PHACTR2: variants seen among roughly 807,000 people sequenced by gnomAD.
PHACTR2 encodes the protein chromosome 6 open reading frame 56.
A neutral mutation model predicts 76.0 loss-of-function variants in PHACTR2; 30 were observed. The ratio of observed to expected loss-of-function variants is 0.39; its 90% confidence interval spans 0.30 to 0.54. PHACTR2 has a LOEUF of 0.54. Among genes scored for constraint, PHACTR2 ranks in the 20% least tolerant of loss-of-function variants. The pLI, the probability that PHACTR2 is intolerant of heterozygous loss-of-function variation, is 0.61. For missense variants in PHACTR2, 696 were observed against 781.1 expected, an observed-to-expected ratio of 0.89 and a Z score of 1.30; for synonymous variants, 292 against 292.5, an observed-to-expected ratio of 1.00 and a Z score of 0.02.
At chr6:143,606,898 T>C (rs1338126708), upstream of PHACTR2, among the ~76,000 whole-genome samples, 1 of 152,210 alleles carries the variant, frequency 6.6e-6, no homozygotes, top group African/African-American at 2.4e-5. Context: ...ACTGAGAAAT[T>C]CAGCTTTTAT....
At chr6:143,804,235 C>G (rs1776018947) in intron 11 of PHACTR2, among the ~76,000 whole-genome samples, 1 of 152,212 alleles carries the variant, frequency 6.6e-6, no homozygotes, top group Admixed American at 6.5e-5. Context: ...GTGCCTTTTG[C>G]TCCTTGGCCT....
rs1328164367 is a variant in PHACTR2, at chr6:143,627,768, A to AT, written c.13+19452dup. Among the ~76,000 whole-genome samples, 10 of 152,018 alleles carry AT rather than the reference A, an allele frequency of 6.6e-5. No homozygotes were observed. Among genetic ancestry groups the AT allele is most frequent in the East Asian group, 1.9e-4 (1 of 5,168 alleles). Reference sequence around the variant, plus strand: ...AGGCTCGTACCGCCACGCCCAGCTAATTTTTTGTATTTTTAGTAGAGATGG... The same window carrying AT: ...AGGCTCGTACCGCCACGCCCAGCTAATTTTTTTGTATTTTTAGTAGAGATGG... On this transcript the variant is annotated intron_variant, in intron 1 of 11. Coordinates refer to the PHACTR2 transcript ENST00000305766. The surrounding 1 kb of genome is among the most constrained non-coding windows in gnomAD (Gnocchi z 4.3).
rs1207370868 is a variant in PHACTR2, at chr6:143,819,060, C to A, written c.1923-4614C>A. Among the ~76,000 whole-genome samples, 1 of 152,064 alleles carries A rather than the reference C, an allele frequency of 6.6e-6. No individual in the cohort carries two copies. Among genetic ancestry groups the A allele is most frequent in the Non-Finnish European group, 1.5e-5 (1 of 68,012 alleles). ...ATTTACTTGTAATTAAGTTTAGGGG[C>A]TTCTGATTGGACTCCTCAGTCATAT... On this transcript the variant is annotated intron_variant, in intron 12 of 12. Coordinates refer to ENST00000440869, the MANE Select transcript of PHACTR2 (RefSeq NM_001100164.2). This position sits in a 1 kb window ranked among gnomAD's most constrained non-coding sequence, Gnocchi z 5.0.
chr6:143,612,623 ACG>A (rs1263694764), intron 1 of PHACTR2, among the ~76,000 whole-genome samples: 1 of 142,206 alleles, frequency 7.0e-6, no homozygotes, highest in Admixed American at 7.0e-5. Flanking sequence ...ACACACACAC[ACG>A]TACATAATAT....
Position 143,751,688 on chromosome 6 carries a change from C to T in PHACTR2, c.296-2066C>T, listed in dbSNP as rs963234058. Among the ~76,000 whole-genome samples, 1 of 151,950 alleles carries T rather than the reference C, an allele frequency of 6.6e-6. No individual in the cohort carries two copies. Among genetic ancestry groups the T allele is most frequent in the Non-Finnish European group, 1.5e-5 (1 of 67,992 alleles). On this transcript the variant is annotated intron_variant, in intron 3 of 12. Transcript: ENST00000440869. This position sits in a 1 kb window ranked among gnomAD's most constrained non-coding sequence, Gnocchi z 5.7. Reference sequence around the variant, plus strand: ...CTGACAACTACGTTTTGAGTTTTCTCTTTCCTTTGCTCTCGTGAGATGTGT... The same window carrying T: ...CTGACAACTACGTTTTGAGTTTTCTTTTTCCTTTGCTCTCGTGAGATGTGT...
intron 6 of PHACTR2, among the ~76,000 whole-genome samples, chr6:143,771,194 G>GTATGTA (rs1775117027): frequency 2.5e-5 from 1 of 40,460 alleles, no homozygotes; most frequent in East Asian, 7.0e-4. Context: ...ATATATGTGT[G>GTATGTA]TATATATATA....
chr6:143,592,470 C>T lies in PHACTR2; in HGVS notation c.217+55263C>T, dbSNP rs778067662. The stretch of plus-strand genomic sequence containing the variant: ...AAGCCTTGGATGGAAATCCTAATTC[C>T]AAGATGTCCCAGTCACACTAGGACT... On this transcript the variant is annotated intron_variant, in intron 1 of 11. Transcript: ENST00000367584. The surrounding 1 kb of genome is among the most constrained non-coding windows in gnomAD (Gnocchi z 4.0). Among the ~76,000 whole-genome samples, 4 of 152,108 alleles carry T rather than the reference C, an allele frequency of 2.6e-5. No individual in the cohort carries two copies. Among genetic ancestry groups the T allele is most frequent in the Non-Finnish European group, 5.9e-5 (4 of 68,006 alleles).
Position 143,648,699 on chromosome 6 carries a change from C to T in PHACTR2, c.13+40377C>T, listed in dbSNP as rs1776701349. On this transcript the variant is annotated intron_variant, in intron 1 of 11. Coordinates refer to the PHACTR2 transcript ENST00000305766. The surrounding 1 kb of genome is among the most constrained non-coding windows in gnomAD (Gnocchi z 6.7). ...TAGGGGAAAGTGTAATTCAGACAGG[C>T]AGACTACTCTGTCTGCATTCCTACA... Among the ~76,000 whole-genome samples, 1 of 152,102 alleles carries T rather than the reference C, an allele frequency of 6.6e-6. No homozygotes were observed. Among genetic ancestry groups the T allele is most frequent in the Non-Finnish European group, 1.5e-5 (1 of 68,008 alleles).
At chr6:143,651,619 A>G (rs1199369732) in intron 1 of PHACTR2, among the ~76,000 whole-genome samples, 2 of 152,114 alleles carry the variant, frequency 1.3e-5, no homozygotes, top group South Asian at 2.1e-4. Context: ...GTTCTCACTT[A>G]TAAGTGGGAG....
In PHACTR2 at chr6:143,696,340, C is replaced by T. The variant is rs1777769195; in HGVS notation, c.47-15676C>T. Among the ~76,000 whole-genome samples, 1 of 152,088 alleles carries T rather than the reference C, an allele frequency of 6.6e-6. No homozygotes were observed. ...TTATTTCAGGGGGCATTTTTGTTTT[C>T]CTGGAGACCTCTAGAAGACCAGGAA... On this transcript the variant is annotated intron_variant, in intron 1 of 12. Transcript: ENST00000440869. The surrounding 1 kb of genome is among the most constrained non-coding windows in gnomAD (Gnocchi z 4.1).
chr6:143,604,096 C>CAAAAAAAAAAAAA (rs5880568), upstream of PHACTR2, among the ~76,000 whole-genome samples: 1 of 110,358 alleles, frequency 9.1e-6, no homozygotes, highest in Non-Finnish European at 1.9e-5. Flanking sequence ...GACTCTGATT[C>CAAAAAAAAAAAAA]AAAAAAAAAA....
intron 1 of PHACTR2, among the ~76,000 whole-genome samples, chr6:143,670,132 C>T (rs1777125696): frequency 6.6e-6 from 1 of 152,204 alleles, no homozygotes; most frequent in African/African-American, 2.4e-5. Flanking sequence ...ATATGAAATT[C>T]TGGGTTGAAA....
At chr6:143,661,909 T>C (rs1214366553) in intron 1 of PHACTR2, among the ~76,000 whole-genome samples, 1 of 152,160 alleles carries the variant, frequency 6.6e-6, no homozygotes, top group African/African-American at 2.4e-5. Flanking sequence ...CCTGGAAAAT[T>C]TGGAGGAATG....
chr6:143,552,202 A>AC (rs1465666956), intron 1 of PHACTR2, among the ~76,000 whole-genome samples: 7 of 152,174 alleles, frequency 4.6e-5, no homozygotes, highest in African/African-American at 1.7e-4. Context: ...GGAAAAAAAA[A>AC]ATTAGAAGTC....
chr6:143,734,555 C>A (rs180870113), intron 2 of PHACTR2, among the ~76,000 whole-genome samples: 6 of 152,166 alleles, frequency 3.9e-5, no homozygotes, highest in Non-Finnish European at 7.3e-5. Flanking sequence ...GACATGGATG[C>A]TACTGATTTT....
chr6:143,729,885 G>A (rs1435298480), intron 2 of PHACTR2, among the ~76,000 whole-genome samples: 1 of 151,956 alleles, frequency 6.6e-6, no homozygotes, highest in East Asian at 1.9e-4. Flanking sequence ...TCTCTTTTCA[G>A]ATCATGCTTT....
chr6:143,754,075 G>T lies in PHACTR2; in HGVS notation c.454+163G>T. The T allele has an allele frequency of 4.6e-6, 2 of 432,126 alleles. No homozygotes were observed. Among genetic ancestry groups the T allele is most frequent in the Non-Finnish European group, 8.2e-6 (2 of 245,230 alleles). The allele number at this position is 432,126 out of a possible 1,614,324, so 26.8% of individuals were successfully genotyped here. On this transcript the variant is annotated intron_variant, in intron 4 of 12. Coordinates refer to ENST00000440869, the MANE Select transcript of PHACTR2 (RefSeq NM_001100164.2). This position sits in a 1 kb window ranked among gnomAD's most constrained non-coding sequence, Gnocchi z 6.2. ...GATAACTAGTAAAGTGAAATCGGAT[G>T]ATTTTCTCAGGTAGATGCATCCATT... is the stretch of plus-strand genomic sequence containing the variant.
intron 1 of PHACTR2, among the ~76,000 whole-genome samples, chr6:143,690,230 T>C (rs1456576840): frequency 6.6e-6 from 1 of 152,258 alleles, no homozygotes. Context: ...ACTCGAGTTA[T>C]TCTTACAGGT....
intron 1 of PHACTR2, among the ~76,000 whole-genome samples, chr6:143,669,405 G>A (rs1339687114): frequency 6.6e-6 from 1 of 152,178 alleles, no homozygotes; most frequent in African/African-American, 2.4e-5. Flanking sequence ...GTCCAGAGCT[G>A]AGTTCAAGTC....
Sources: allele counts gnomAD v4.1 joint callset (sites outside exome capture counted in the v4.1 genomes callset), GRCh38; gene constraint gnomAD v4.1.1; non-coding constraint Gnocchi (gnomAD v3.1); transcripts MANE v1.5; gene names NCBI Gene and HGNC (gene_info 2026-07-23, HGNC 2026-07-21).